The following GRID2IP variants were observed in gnomAD, a reference collection of about 807,000 sequenced individuals.
GRID2IP encodes the protein Grid2 interacting protein, also known as delphilin.
Under a neutral mutation model 114.3 loss-of-function variants are expected in GRID2IP, and 78 were observed. That is an observed-to-expected ratio of 0.68 (90% CI 0.57 to 0.82). The LOEUF (loss-of-function observed/expected upper bound fraction) is 0.82, where lower values mean the gene tolerates loss of function less well. GRID2IP is among the 40% of genes least tolerant of loss of function. The probability of loss-of-function intolerance (pLI) is 0.00; values close to 1 mark genes in which losing one functional copy is unlikely to be tolerated. For missense variants in GRID2IP, 1,727 were observed against 1,678.5 expected, an observed-to-expected ratio of 1.03 and a Z score of -0.51; for synonymous variants, 809 against 724.0, an observed-to-expected ratio of 1.12 and a Z score of -1.89.
chr7:6,528,700 G>A lies in GRID2IP; in HGVS notation c.585-1931C>T, dbSNP rs771759138. Among the ~76,000 whole-genome samples the A allele has an allele frequency of 1.2e-4, 19 of 152,062 alleles. No individual in the cohort carries two copies. The highest frequency in any genetic ancestry group is 2.6e-4 in the Non-Finnish European group (18 of 68,004). ...TCTGTGGGTAGGAGTAATTAGGCCC[G>A]CCAGGCAAAAGAAATTGCCTGGTGG... On this transcript the variant is annotated intron_variant, in intron 2 of 21. Transcript: ENST00000457091. The surrounding 1 kb of genome is among the most constrained non-coding windows in gnomAD (Gnocchi z 6.0).
At position 6,508,363 on chromosome 7, in the gene GRID2IP, A is replaced by G. The variant is rs765759926; in HGVS notation, c.2166T>C (p.Asn722=). 413 of 1,551,392 alleles carry G rather than the reference A, an allele frequency of 2.7e-4. No individual in the cohort carries two copies. The highest frequency in any genetic ancestry group is 1.9e-3 in the Admixed American group (95 of 50,976). Residue 722 remains asparagine (N), a synonymous_variant, in exon 13 of 22, where the codon AAT becomes AAC. Transcript: ENST00000457091. This position sits in a 1 kb window ranked among gnomAD's most constrained non-coding sequence, Gnocchi z 5.6. ...TGCAGTCGCTGGCGCTGCTCCGCTC[A>G]TTGGTTACGAAGCTGCCCTGGTCAT... ...FHDDQGSFVT[N]ERSSASDCIS...
chr7:6,507,079 G>T lies in GRID2IP; in HGVS notation c.2544+906C>A, dbSNP rs1345714286. Reference sequence around the variant, plus strand: ...TTGGGACCCAGGAGATGGCAGTGGGGAAAAATCACAAGCATGCCTCTGCCC... The same window carrying T: ...TTGGGACCCAGGAGATGGCAGTGGGTAAAAATCACAAGCATGCCTCTGCCC... On this transcript the variant is annotated intron_variant, in intron 13 of 21. Transcript: ENST00000457091. This position sits in a 1 kb window ranked among gnomAD's most constrained non-coding sequence, Gnocchi z 5.3. Among the ~76,000 whole-genome samples, 1 of 152,192 alleles carries T rather than the reference G, an allele frequency of 6.6e-6. No homozygotes were observed. Among genetic ancestry groups the T allele is most frequent in the Non-Finnish European group, 1.5e-5 (1 of 68,040 alleles).
At chr7:6,510,015 G>C (rs1037369681) in intron 11 of GRID2IP, among the ~76,000 whole-genome samples, 2 of 152,080 alleles carry the variant, frequency 1.3e-5, no homozygotes, top group African/African-American at 4.8e-5. Flanking sequence ...TTTTTTGTTA[G>C]AGATGGGGCC....
Position 6,504,827 on chromosome 7 carries a change from C to T in GRID2IP, c.2676G>A (p.Val892=), listed in dbSNP as rs1287505520. Residue 892 remains valine, a synonymous_variant, in exon 15 of 22, where the codon GTG becomes GTA. Coordinates refer to ENST00000457091, the MANE Select transcript of GRID2IP (RefSeq NM_001145118.2). The part of the protein sequence containing the change: ...GPEPFRKKEV[V]EILSHKKAYN... ...AGGCCTTCTTATGGGACAGGATCTC[C>T]ACCACCTCCTTCTTCCGGAAGGGCT... 2.6e-6 allele frequency: 4 copies of T among 1,551,340 alleles called. No homozygotes were observed. The highest frequency in any genetic ancestry group is 3.9e-5 in the Admixed American group (2 of 50,970).
intron 15 of GRID2IP, 32 bp from the exon 16 acceptor site, chr7:6,503,719 G>C: frequency 1.4e-6 from 2 of 1,417,672 alleles, no homozygotes; most frequent in Non-Finnish European, 1.8e-6. Flanking sequence ...GAGCTGGGCG[G>C]GGCCGGAGCG....
chr7:6,501,673 A>G, intron 20 of GRID2IP, 108 bp downstream of exon 20: 1 of 781,388 alleles, frequency 1.3e-6, no homozygotes. Flanking sequence ...CTGTGTCCAG[A>G]ATCTCTGCTG....
intron 1 of GRID2IP, among the ~76,000 whole-genome samples, chr7:6,549,159 T>A (rs1779930659): frequency 6.6e-6 from 1 of 152,202 alleles, no homozygotes; most frequent in Non-Finnish European, 1.5e-5. Flanking sequence ...TCTTCTTTTA[T>A]AACCATGTCA....
At chr7:6,511,902 T>C (rs1332596968) in intron 8 of GRID2IP, among the ~76,000 whole-genome samples, 1 of 150,670 alleles carries the variant, frequency 6.6e-6, no homozygotes, top group African/African-American at 2.5e-5. Context: ...TCTCTCTGTC[T>C]CTTTCTCTCT....
Position 6,501,896 on chromosome 7 carries a change from T to C in GRID2IP, c.3284A>G (p.Asn1095Ser), listed in dbSNP as rs1379644920. 1 of 1,551,342 alleles carries C rather than the reference T, an allele frequency of 6.4e-7. No individual in the cohort carries two copies. Among genetic ancestry groups the C allele is most frequent in the Non-Finnish European group, 8.7e-7 (1 of 1,146,948 alleles). ...CAGGTCACTGGTCAGGGCCCGTTGG[T>C]TCACTGTAGGGAAGAGGACAGGGGC... Reference protein sequence around the residue: ...LPTVPLAAKVNQRALTSDLAD... With the variant: ...LPTVPLAAKVSQRALTSDLAD... Residue 1095 changes from asparagine to serine, a missense_variant, in exon 20 of 22, where the codon AAC (asparagine) becomes AGC (serine). Physicochemically the swap from Asn to Ser is conservative, Grantham distance 46. Coordinates refer to ENST00000457091, the MANE Select transcript of GRID2IP (RefSeq NM_001145118.2).
At chr7:6,533,127 G>A (rs1478698831) in intron 2 of GRID2IP, among the ~76,000 whole-genome samples, 2 of 152,166 alleles carry the variant, frequency 1.3e-5, no homozygotes, top group Non-Finnish European at 2.9e-5. Flanking sequence ...ACTGACAGGG[G>A]TTGTGCTACT....
intron 7 of GRID2IP, among the ~76,000 whole-genome samples, chr7:6,517,460 G>A (rs973570699): frequency 1.3e-5 from 2 of 152,268 alleles, no homozygotes; most frequent in South Asian, 2.1e-4. Flanking sequence ...GACCAAAAAT[G>A]TGGTGAGTTT....
In GRID2IP at chr7:6,507,156, G is replaced by T. The variant is rs1280829650; in HGVS notation, c.2544+829C>A. Among the ~76,000 whole-genome samples the T allele has an allele frequency of 1.3e-5, 2 of 152,208 alleles. No individual in the cohort carries two copies. Among genetic ancestry groups the T allele is most frequent in the African/African-American group, 4.8e-5 (2 of 41,464 alleles). ...ATTGATCCCAAGAAGATGGAGTTGA[G>T]GATGATGGTGATCATGAGCACTGGG... On this transcript the variant is annotated intron_variant, in intron 13 of 21. Coordinates refer to ENST00000457091, the MANE Select transcript of GRID2IP (RefSeq NM_001145118.2). This position sits in a 1 kb window ranked among gnomAD's most constrained non-coding sequence, Gnocchi z 5.3.
At chr7:6,500,992 C>T (rs1298451901) in intron 20 of GRID2IP, among the ~76,000 whole-genome samples, 1 of 152,178 alleles carries the variant, frequency 6.6e-6, no homozygotes, top group African/African-American at 2.4e-5. Context: ...GGTACAGTGG[C>T]TTTGGGGCAC....
intron 20 of GRID2IP, among the ~76,000 whole-genome samples, chr7:6,500,156 T>C (rs1036743167): frequency 3.9e-5 from 6 of 151,934 alleles, no homozygotes; most frequent in African/African-American, 1.5e-4. Context: ...CAGCCTCAGT[T>C]TTCACATCTG....
Position 6,532,868 on chromosome 7 carries a change from C to A in GRID2IP, c.585-6099G>T, listed in dbSNP as rs1445578511. 6.6e-6 allele frequency among the ~76,000 whole-genome samples: 1 copy of A among 152,222 alleles called. No individual in the cohort carries two copies. The highest frequency in any genetic ancestry group is 1.5e-5 in the Non-Finnish European group (1 of 68,048). ...CAGGCACGCTACCTCAGAGCCAGGT[C>A]TCCGTGGGCACAGTGGGGCCAGCTG... On this transcript the variant is annotated intron_variant, in intron 2 of 21. Transcript: ENST00000457091. This position sits in a 1 kb window ranked among gnomAD's most constrained non-coding sequence, Gnocchi z 4.4.
rs1237581074 is a variant in GRID2IP at position 6,526,455 on chromosome 7, C to G, written c.833+66G>C. 3.4e-6 allele frequency: 5 copies of G among 1,469,584 alleles called. No homozygotes were observed. Among genetic ancestry groups the G allele is most frequent in the Non-Finnish European group, 4.5e-6 (5 of 1,108,810 alleles). The allele number at this position is 1,469,584 out of a possible 1,614,324, so 91.0% of individuals were successfully genotyped here. ...CAGCCCCGCCCCTACGCCCTCTCCC[C>G]GGGTCTCGGTCCCGAGCCCACCCGC... On this transcript the variant is annotated intron_variant, in intron 3 of 21. Coordinates refer to ENST00000457091, the MANE Select transcript of GRID2IP (RefSeq NM_001145118.2). This position sits in a 1 kb window ranked among gnomAD's most constrained non-coding sequence, Gnocchi z 7.6.
chr7:6,503,125 G>C lies in GRID2IP; in HGVS notation c.2946C>G (p.Ser982Arg). Residue 982 changes from serine to arginine, a missense_variant, in exon 17 of 22, where the codon AGC (serine) becomes AGG (arginine). By Grantham distance (110) the Ser-to-Arg change is moderately radical (BLOSUM62 -1). Transcript: ENST00000457091. ...SVPEYKTRLRSLHFQATLQEK... is the reference protein window; with the variant it reads ...SVPEYKTRLRRLHFQATLQEK... The stretch of plus-strand genomic sequence containing the variant: ...CCTGGAGGGTGGCCTGGAAGTGGAG[G>C]CTGCGCAGGCGTGTCTTGTATTCGG... 6.5e-7 allele frequency: 1 copy of C among 1,548,988 alleles called. No individual in the cohort carries two copies. Among genetic ancestry groups the C allele is most frequent in the Non-Finnish European group, 8.7e-7 (1 of 1,145,784 alleles).
Position 6,508,681 on chromosome 7 carries a change from G to C in GRID2IP, c.2127+277C>G, listed in dbSNP as rs1786668720. On this transcript the variant is annotated intron_variant, in intron 12 of 21. Transcript: ENST00000457091. This position sits in a 1 kb window ranked among gnomAD's most constrained non-coding sequence, Gnocchi z 5.6. ...GAATAAGGACAGGACCCTGTCACGGGTTAGCCTCAGGCTGTGAGTGGGATA... is the reference window on the plus strand; with the variant it reads ...GAATAAGGACAGGACCCTGTCACGGCTTAGCCTCAGGCTGTGAGTGGGATA... Among the ~76,000 whole-genome samples, 1 of 152,168 alleles carries C rather than the reference G, an allele frequency of 6.6e-6. No homozygotes were observed. Among genetic ancestry groups the C allele is most frequent in the African/African-American group, 2.4e-5 (1 of 41,430 alleles).
Position 6,550,992 on chromosome 7 carries a change from C to T in GRID2IP, c.429+16G>A, listed in dbSNP as rs1434851522. ...CCCCCTCCTTCCCGCCCCCACCTCC[C>T]ACCCCCGCGCCTTACCTTGCGGCTG... On this transcript the variant is annotated intron_variant, in intron 1 of 21. Coordinates refer to ENST00000457091, the MANE Select transcript of GRID2IP (RefSeq NM_001145118.2). 18 of 1,222,036 alleles carry T rather than the reference C, an allele frequency of 1.5e-5. No homozygotes were observed. The highest frequency in any genetic ancestry group is 1.7e-5 in the Non-Finnish European group (17 of 978,658). 75.7% of individuals were successfully genotyped at this position (1,222,036 alleles called of 1,614,324 possible). A position where few individuals can be genotyped will look rare whatever the true frequency, so the allele number is the denominator to read the frequency against.
Sources: allele counts gnomAD v4.1 joint callset (sites outside exome capture counted in the v4.1 genomes callset), GRCh38; gene constraint gnomAD v4.1.1; non-coding constraint Gnocchi (gnomAD v3.1); transcripts MANE v1.5; gene names NCBI Gene and HGNC (gene_info 2026-07-23, HGNC 2026-07-21).